ASNS: variants seen among roughly 807,000 people sequenced by gnomAD.
The protein encoded by ASNS is asparagine synthetase [glutamine-hydrolyzing].
Under a neutral mutation model 62.6 loss-of-function variants are expected in ASNS, and 37 were observed. That is an observed-to-expected ratio of 0.59 (90% CI 0.45 to 0.78). ASNS has a LOEUF of 0.78. ASNS is among the 30% of genes least tolerant of loss of function. The pLI is 0.00. For missense variants in ASNS, 520 were observed against 682.4 expected (o/e 0.76, Z 2.65); for synonymous variants, 207 against 237.9 (o/e 0.87, Z 1.19).
rs759471319 is a variant in ASNS at position 97,868,956 on chromosome 7, A to G, written c.201T>C (p.Tyr67=). 11 of 1,614,218 alleles carry G rather than the reference A, an allele frequency of 6.8e-6. No individual in the cohort carries two copies. The highest frequency in any genetic ancestry group is 2.2e-5 in the East Asian group (1 of 44,880). ...FGMQPIRVKK[Y]PYLWLCYNGE... is the part of the protein sequence containing the mutation. ...CATTGTAACAGAGCCACAAATACGG[A>G]TATTTCTTCACTCGAATTGGCTGCA... Residue 67 remains tyrosine (Y), a synonymous_variant, in exon 3 of 13, where the codon TAT becomes TAC. Coordinates refer to ENST00000394308, the MANE Select transcript of ASNS (RefSeq NM_001673.5).
chr7:97,858,942 TTCTA>T lies in ASNS; in HGVS notation c.683_686del (p.Ile228LysfsTer3). On this transcript the variant is annotated frameshift_variant, in exon 6 of 13. Transcript: ENST00000394308. LOFTEE classifies it high-confidence loss of function. ...GGATCCTGAGGTTGTTCTTCACAGT[TTCTA>T]TCTCAAAACCTATAAACACAGCAGT... 6.2e-7 allele frequency: 1 copy of T among 1,612,828 alleles called. No homozygotes were observed. The highest frequency in any genetic ancestry group is 1.3e-5 in the African/African-American group (1 of 74,988).
the ASNS span, among the ~76,000 whole-genome samples, chr7:97,882,598 AT>A: frequency 2.0e-5 from 3 of 149,322 alleles, no homozygotes; most frequent in Non-Finnish European, 4.5e-5. Context: ...CCAAACTAGA[AT>A]CACTCCATTG....
At chr7:97,876,791 T>G (rs34794332), upstream of ASNS, among the ~76,000 whole-genome samples, 18,177 of 152,094 alleles carry the variant, frequency 0.12, 1,104 homozygotes, top group South Asian at 0.19. Context: ...GTTCAGTACC[T>G]TGTAACACTG....
the ASNS span, among the ~76,000 whole-genome samples, chr7:97,924,819 T>C: frequency 6.6e-6 from 1 of 152,358 alleles, no homozygotes; most frequent in East Asian, 1.9e-4. Flanking sequence ...ATTGCCCAAG[T>C]ATTTTGTGCT....
At chr7:97,921,202 C>T in the ASNS span, among the ~76,000 whole-genome samples, 1 of 152,208 alleles carries the variant, frequency 6.6e-6, no homozygotes, top group Non-Finnish European at 1.5e-5. Context: ...GACTTGTGTA[C>T]ATTTCAGGGG....
chr7:97,869,068 T>C lies in ASNS; in HGVS notation c.89A>G (p.Asp30Gly). 6.2e-7 allele frequency: 1 copy of C among 1,614,182 alleles called. No individual in the cohort carries two copies. Among genetic ancestry groups the C allele is most frequent in the Non-Finnish European group, 8.5e-7 (1 of 1,180,040 alleles). Residue 30 changes from aspartate (D) to glycine (G), a missense_variant, in exon 3 of 13, where the codon GAT (aspartate) becomes GGT (glycine). Asp to Gly is a moderately conservative substitution (Grantham distance 94). Transcript: ENST00000394308. Reference sequence around the variant, plus strand: ...ATTGACATTCTCAAAACGGAATGCATCTGGACCTCTGTGTGCAATCTTCAT... The same window carrying C: ...ATTGACATTCTCAAAACGGAATGCACCTGGACCTCTGTGTGCAATCTTCAT... Reference protein sequence around the residue: ...SAMKIAHRGPDAFRFENVNGY... With the variant: ...SAMKIAHRGPGAFRFENVNGY...
the ASNS span, among the ~76,000 whole-genome samples, chr7:97,883,685 G>T: frequency 6.6e-6 from 1 of 152,224 alleles, no homozygotes; most frequent in East Asian, 1.9e-4. Flanking sequence ...CTGCTGTGTC[G>T]GTTAACAATG....
chr7:97,911,238 T>C, the ASNS span, among the ~76,000 whole-genome samples: 1 of 152,086 alleles, frequency 6.6e-6, no homozygotes, highest in African/African-American at 2.4e-5. Context: ...GAGTAAATAT[T>C]GCAAATGTTA....
the ASNS span, among the ~76,000 whole-genome samples, chr7:97,896,739 CACATATATATATATATATAT>C: frequency 3.4e-4 from 11 of 31,984 alleles, no homozygotes; most frequent in East Asian, 4.4e-3. Flanking sequence ...CACACACACA[CACATATATATATATATATAT>C]ATATATATAT....
At chr7:97,890,472 CAG>C in the ASNS span, among the ~76,000 whole-genome samples, 30 of 151,992 alleles carry the variant, frequency 2.0e-4, no homozygotes, top group Non-Finnish European at 2.8e-4. Flanking sequence ...ATCAGGCTAA[CAG>C]GGGATTTCTC....
the ASNS span, among the ~76,000 whole-genome samples, chr7:97,923,257 G>T: frequency 9.7e-4 from 145 of 149,470 alleles, 4 homozygotes; most frequent in East Asian, 0.02. Context: ...AATCATGATT[G>T]ACTTTTCCAA....
upstream of ASNS, among the ~76,000 whole-genome samples, chr7:97,877,537 T>C (rs968238109): frequency 4.6e-5 from 7 of 152,216 alleles, no homozygotes; most frequent in Non-Finnish European, 8.8e-5. Flanking sequence ...GTCACAATAC[T>C]GCAACCAGAG....
chr7:97,879,151 T>A, the ASNS span, among the ~76,000 whole-genome samples: 3 of 152,128 alleles, frequency 2.0e-5, no homozygotes, highest in East Asian at 5.8e-4. Flanking sequence ...CAATTCAAGA[T>A]GGATTAAAGA....
chr7:97,915,696 C>G, the ASNS span, among the ~76,000 whole-genome samples: 2 of 151,946 alleles, frequency 1.3e-5, no homozygotes, highest in African/African-American at 4.8e-5. Flanking sequence ...GGTGAAGAGG[C>G]AGGGAGAGGG....
At chr7:97,914,455 G>C in the ASNS span, among the ~76,000 whole-genome samples, 1 of 152,178 alleles carries the variant, frequency 6.6e-6, no homozygotes, top group East Asian at 1.9e-4. Context: ...ATAACTAACA[G>C]AAGATGTTGA....
intron 8 of ASNS, 54 bp from the exon 9 acceptor site, chr7:97,855,513 A>C: frequency 7.5e-7 from 1 of 1,341,888 alleles, no homozygotes; most frequent in Non-Finnish European, 1.1e-6. Context: ...TCCACCAAAA[A>C]TGCCTTTGAT....
the ASNS span, among the ~76,000 whole-genome samples, chr7:97,894,467 T>G: frequency 1.4e-5 from 1 of 71,900 alleles, no homozygotes; most frequent in Non-Finnish European, 2.5e-5. Context: ...GATAAACCAC[T>G]AGTGAGGCTA....
chr7:97,860,496 T>C (rs1164848182), intron 4 of ASNS, among the ~76,000 whole-genome samples: 1 of 152,200 alleles, frequency 6.6e-6, no homozygotes, highest in East Asian at 1.9e-4. Flanking sequence ...GACATATATA[T>C]ATGCTTGTTC....
the ASNS span, among the ~76,000 whole-genome samples, chr7:97,926,655 G>A: frequency 6.6e-6 from 1 of 152,102 alleles, no homozygotes; most frequent in African/African-American, 2.4e-5. Flanking sequence ...CTTTTCAAGG[G>A]GCCGCCAGAC....
Sources: allele counts gnomAD v4.1 joint callset (sites outside exome capture counted in the v4.1 genomes callset), GRCh38; gene constraint gnomAD v4.1.1; transcripts MANE v1.5; gene names NCBI Gene and HGNC (gene_info 2026-07-23, HGNC 2026-07-21).